Variants in FSTL5 observed in about 807,000 individuals in gnomAD.
FSTL5 encodes follistatin-related protein 5.
A neutral mutation model predicts 89.1 loss-of-function variants in FSTL5; 62 were observed. The observed-to-expected ratio is 0.70, with a 90% CI of 0.57 to 0.86. The LOEUF (loss-of-function observed/expected upper bound fraction) is 0.86. FSTL5 is among the 40% of genes least tolerant of loss of function. The pLI, the probability that FSTL5 is intolerant of heterozygous loss-of-function variation, is 0.00. For missense variants in FSTL5, 1,057 were observed against 1,001.6 expected, an observed-to-expected ratio of 1.06 and a Z score of -0.75; for synonymous variants, 383 against 346.2, an observed-to-expected ratio of 1.11 and a Z score of -1.18.
At chr4:161,451,123 GA>G (rs1171463251) in intron 15 of FSTL5, among the ~76,000 whole-genome samples, 1 of 151,924 alleles carries the variant, frequency 6.6e-6, no homozygotes, top group Non-Finnish European at 1.5e-5. Flanking sequence ...AATCTAAATT[GA>G]AATTCATCCT....
intron 13 of FSTL5, among the ~76,000 whole-genome samples, chr4:161,466,086 T>C (rs1431942073): frequency 6.6e-6 from 1 of 152,190 alleles, no homozygotes; most frequent in Non-Finnish European, 1.5e-5. Context: ...ACATAAAATA[T>C]ATAGTGAAAT....
chr4:161,615,945 T>C (rs1022003531), intron 7 of FSTL5, among the ~76,000 whole-genome samples: 2 of 152,170 alleles, frequency 1.3e-5, no homozygotes, highest in African/African-American at 4.8e-5. Context: ...AAAGTTATTT[T>C]ATTATGTCAA....
intron 6 of FSTL5, among the ~76,000 whole-genome samples, chr4:161,691,263 T>C (rs1737932061): frequency 1.3e-5 from 2 of 152,104 alleles, no homozygotes; most frequent in South Asian, 4.1e-4. Flanking sequence ...CATGTGCCTA[T>C]CCAGTTGTCC....
intron 6 of FSTL5, among the ~76,000 whole-genome samples, chr4:161,731,010 AT>A (rs1179204625): frequency 6.6e-6 from 1 of 152,176 alleles, no homozygotes; most frequent in Non-Finnish European, 1.5e-5. Context: ...AAGATTATGT[AT>A]TTTTTATTAT....
intron 8 of FSTL5, among the ~76,000 whole-genome samples, chr4:161,559,807 G>A (rs758930477): frequency 2.4e-4 from 37 of 151,822 alleles, no homozygotes; most frequent in Non-Finnish European, 1.0e-4. Context: ...TGTCACCATG[G>A]GAAGCTCATT....
intron 1 of FSTL5, among the ~76,000 whole-genome samples, chr4:162,122,742 C>G (rs543969279): frequency 6.6e-5 from 10 of 152,160 alleles, no homozygotes; most frequent in African/African-American, 2.2e-4. Flanking sequence ...CTCCTAAACA[C>G]TCTTTATGTA....
At chr4:162,066,510 A>C (rs897415260) in intron 2 of FSTL5, among the ~76,000 whole-genome samples, 5 of 147,934 alleles carry the variant, frequency 3.4e-5, no homozygotes, top group Non-Finnish European at 4.5e-5. Context: ...GGTTTGCTGC[A>C]CTTATCAATC....
chr4:162,144,623 C>T (rs1342389006), intron 1 of FSTL5, among the ~76,000 whole-genome samples: 3 of 152,020 alleles, frequency 2.0e-5, no homozygotes, highest in African/African-American at 7.2e-5. Context: ...AGGTTGTAAA[C>T]ATCAAGAACA....
intron 1 of FSTL5, among the ~76,000 whole-genome samples, chr4:162,130,849 T>G (rs1732276548): frequency 6.6e-6 from 1 of 152,146 alleles, no homozygotes; most frequent in East Asian, 1.9e-4. Flanking sequence ...TTAATTACAA[T>G]TCACATGGCT....
intron 6 of FSTL5, among the ~76,000 whole-genome samples, chr4:161,744,074 C>A (rs1740110124): frequency 6.6e-6 from 1 of 152,042 alleles, no homozygotes; most frequent in African/African-American, 2.4e-5. Flanking sequence ...AGAACATGAA[C>A]AACAGAAGGT....
intron 8 of FSTL5, among the ~76,000 whole-genome samples, chr4:161,547,166 G>A (rs1195104158): frequency 2.0e-5 from 3 of 151,998 alleles, no homozygotes; most frequent in Non-Finnish European, 4.4e-5. Context: ...ATAGCCACGT[G>A]AGTGAGTAAT....
chr4:161,588,121 T>C (rs999685926), intron 7 of FSTL5, among the ~76,000 whole-genome samples: 3 of 152,232 alleles, frequency 2.0e-5, no homozygotes, highest in Admixed American at 1.3e-4. Context: ...TTGCAGTGAC[T>C]TGAGAACGTG....
chr4:161,744,339 T>C (rs1462250307), intron 6 of FSTL5, among the ~76,000 whole-genome samples: 1 of 152,114 alleles, frequency 6.6e-6, no homozygotes, highest in Non-Finnish European at 1.5e-5. Flanking sequence ...AGTGAACTGG[T>C]AAAGCCAAAG....
At chr4:161,683,885 T>C (rs776455059) in intron 6 of FSTL5, among the ~76,000 whole-genome samples, 6 of 152,174 alleles carry the variant, frequency 3.9e-5, no homozygotes, top group Non-Finnish European at 8.8e-5. Context: ...TGGTCTTTTA[T>C]CCCTCACCTC....
chr4:161,917,604 A>C (rs557442105), intron 4 of FSTL5, among the ~76,000 whole-genome samples: 2 of 152,098 alleles, frequency 1.3e-5, no homozygotes, highest in Non-Finnish European at 2.9e-5. Flanking sequence ...ATTTAGTTCT[A>C]CTTAATTTTG....
At chr4:161,956,313 G>T (rs928792529) in intron 3 of FSTL5, among the ~76,000 whole-genome samples, 26 of 151,572 alleles carry the variant, frequency 1.7e-4, no homozygotes, top group Admixed American at 2.0e-4. Flanking sequence ...ATAAATAAAA[G>T]AAAATATATA....
intron 12 of FSTL5, among the ~76,000 whole-genome samples, chr4:161,496,801 G>GATAGAGAT (rs1730096022): frequency 6.6e-6 from 1 of 151,576 alleles, no homozygotes; most frequent in African/African-American, 2.4e-5. Context: ...TAGAGATAGA[G>GATAGAGAT]ATAGAGATAG....
In FSTL5 at chr4:161,918,805, A is replaced by G. The variant is rs191125907; in HGVS notation, c.409+1599T>C. Among the ~76,000 whole-genome samples, 482 of 151,962 alleles carry G rather than the reference A, an allele frequency of 3.2e-3. 11 individuals are homozygous for G. Among genetic ancestry groups the G allele is most frequent in the Non-Finnish European group, 9.6e-4 (65 of 67,946 alleles). On this transcript the variant is annotated intron_variant, in intron 4 of 15. Transcript: ENST00000306100. The stretch of plus-strand genomic sequence containing the variant: ...GATAGAGGCACCCGCCATCATGCCC[A>G]GCTAATTTTTGTATTTTTGTAGAGA...
At chr4:162,159,188 T>A (rs1367830240) in intron 1 of FSTL5, among the ~76,000 whole-genome samples, 1 of 152,076 alleles carries the variant, frequency 6.6e-6, no homozygotes, top group East Asian at 1.9e-4. Context: ...CTACAAAAGG[T>A]AAATTATTTC....
Sources: gnomAD v4.1 joint callset for allele counts (sites outside exome capture counted in the v4.1 genomes callset) on GRCh38, gnomAD v4.1.1 for gene constraint, MANE v1.5 for transcripts, NCBI Gene and HGNC (gene_info 2026-07-23, HGNC 2026-07-21) for gene names.